CELF2: variants seen among roughly 807,000 people sequenced by gnomAD.
CELF2 encodes the protein CUG triplet repeat RNA-binding protein 2.
Under a neutral mutation model 62.6 loss-of-function variants are expected in CELF2, and 8 were observed. The observed-to-expected ratio is 0.13, with a 90% CI of 0.07 to 0.23. CELF2 has a LOEUF of 0.23. CELF2 is among the 10% of genes least tolerant of loss of function. CELF2 has a pLI of 1.00. For missense variants in CELF2, 333 were observed against 671.0 expected, an observed-to-expected ratio of 0.50 and a Z score of 5.56; for synonymous variants, 258 against 250.0, an observed-to-expected ratio of 1.03 and a Z score of -0.30.
At chr10:10,671,096 A>T in the CELF2 span, among the ~76,000 whole-genome samples, 8 of 145,146 alleles carry the variant, frequency 5.5e-5, no homozygotes, top group East Asian at 1.8e-3. Flanking sequence ...AGCCTGGGAG[A>T]TTGAGGCTGA....
At chr10:11,172,768 G>T (rs1160664234) in intron 2 of CELF2, among the ~76,000 whole-genome samples, 1 of 152,184 alleles carries the variant, frequency 6.6e-6, no homozygotes. Context: ...ACTCCTGGCC[G>T]CTTTTAACCA....
chr10:10,689,485 CAAATT>C, the CELF2 span, among the ~76,000 whole-genome samples: 34,530 of 151,928 alleles, frequency 0.23, 4,100 homozygotes, highest in South Asian at 0.43. Context: ...TGCAGTATAT[CAAATT>C]AAAAAGCACA....
intron 2 of CELF2, among the ~76,000 whole-genome samples, chr10:11,204,253 A>G (rs2059913990): frequency 6.6e-6 from 1 of 152,190 alleles, no homozygotes; most frequent in African/African-American, 2.4e-5. Context: ...CACTGTGTAT[A>G]CATTATTTTA....
the CELF2 span, among the ~76,000 whole-genome samples, chr10:10,474,553 AACTT>A: frequency 6.6e-5 from 10 of 152,054 alleles, no homozygotes; most frequent in African/African-American, 2.4e-4. Flanking sequence ...TTTGCAATAA[AACTT>A]ATTTATGCAC....
At chr10:10,848,173 C>G (rs767630796) in intron 1 of CELF2, among the ~76,000 whole-genome samples, 1 of 152,150 alleles carries the variant, frequency 6.6e-6, no homozygotes, top group Non-Finnish European at 1.5e-5. Context: ...GCCTTTTAAA[C>G]AAGTACATTT....
intron 2 of CELF2, among the ~76,000 whole-genome samples, chr10:10,954,870 A>G (rs1196194254): frequency 1.3e-5 from 2 of 152,244 alleles, no homozygotes; most frequent in African/African-American, 4.8e-5. Flanking sequence ...GAATACATAA[A>G]TATGCTATAT....
Position 11,114,578 on chromosome 10 carries a change from C to A in CELF2, c.75-50908C>A, listed in dbSNP as rs140352186. Among the ~76,000 whole-genome samples the A allele has an allele frequency of 2.6e-3, 402 of 152,254 alleles. 1 individual carries two copies. The highest frequency in any genetic ancestry group is 9.1e-3 in the African/African-American group (380 of 41,548). On this transcript the variant is annotated intron_variant, in intron 1 of 12. Transcript: ENST00000633077. ...AAATTAAGACCCATGGTTGGAATAT[C>A]AATGCAGTCAAATATCTGTTCTTTG...
chr10:11,232,388 G>T (rs1355277805), intron 3 of CELF2, among the ~76,000 whole-genome samples: 1 of 152,208 alleles, frequency 6.6e-6, no homozygotes, highest in African/African-American at 2.4e-5. Flanking sequence ...TGACAACTTT[G>T]TCTCTGAGTC....
the CELF2 span, among the ~76,000 whole-genome samples, chr10:10,731,561 C>T: frequency 6.6e-6 from 1 of 152,118 alleles, no homozygotes; most frequent in African/African-American, 2.4e-5. Flanking sequence ...AATATGGAAA[C>T]TGGTATTTTT....
At chr10:10,641,183 C>T in the CELF2 span, among the ~76,000 whole-genome samples, 10 of 152,208 alleles carry the variant, frequency 6.6e-5, no homozygotes, top group South Asian at 2.1e-4. Context: ...AGGCAGCATA[C>T]GGTTGTGGGA....
upstream of CELF2, among the ~76,000 whole-genome samples, chr10:10,797,581 A>G (rs1252823469): frequency 6.6e-6 from 1 of 152,218 alleles, no homozygotes; most frequent in African/African-American, 2.4e-5. Context: ...GAGGAATTTA[A>G]TATAAAGAAA....
the CELF2 span, among the ~76,000 whole-genome samples, chr10:10,623,768 G>C: frequency 7.1e-4 from 108 of 152,298 alleles, no homozygotes; most frequent in Admixed American, 2.0e-4. Context: ...GCCATTTACT[G>C]TTCTAAGTGC....
At chr10:10,658,867 C>G in the CELF2 span, among the ~76,000 whole-genome samples, 15 of 152,174 alleles carry the variant, frequency 9.9e-5, no homozygotes, top group African/African-American at 3.4e-4. Flanking sequence ...CTGGATAACA[C>G]AGAGAGAATA....
chr10:10,599,506 C>T, the CELF2 span, among the ~76,000 whole-genome samples: 1 of 152,008 alleles, frequency 6.6e-6, no homozygotes, highest in Admixed American at 6.6e-5. Context: ...CAGTTGATAG[C>T]ATAAAATGTG....
At chr10:11,144,900 G>GAA (rs397846995) in intron 1 of CELF2, among the ~76,000 whole-genome samples, 7,903 of 73,872 alleles carry the variant, frequency 0.11, 515 homozygotes, top group African/African-American at 0.16. Flanking sequence ...TCAGGAAACA[G>GAA]AAAAAAAAAA....
the CELF2 span, among the ~76,000 whole-genome samples, chr10:10,661,504 C>A: frequency 6.6e-6 from 1 of 152,154 alleles, no homozygotes; most frequent in Non-Finnish European, 1.5e-5. Context: ...AGATATATGT[C>A]CAAGGCCTTT....
chr10:10,994,204 G>T (rs1047041660), intron 2 of CELF2, among the ~76,000 whole-genome samples: 1 of 152,174 alleles, frequency 6.6e-6, no homozygotes, highest in Non-Finnish European at 1.5e-5. Context: ...TTTTACATTT[G>T]CAGAGTGTCT....
At chr10:11,040,751 A>G (rs762928940) in intron 1 of CELF2, among the ~76,000 whole-genome samples, 2 of 152,112 alleles carry the variant, frequency 1.3e-5, no homozygotes, top group African/African-American at 2.4e-5. Context: ...TTCTCTTCCA[A>G]CTGATTTCAC....
the CELF2 span, among the ~76,000 whole-genome samples, chr10:10,533,171 T>A: frequency 6.6e-6 from 1 of 152,198 alleles, no homozygotes; most frequent in East Asian, 1.9e-4. Flanking sequence ...CATTTCAATG[T>A]GGAGAGTATG....
Sources: gnomAD v4.1 joint callset for allele counts (sites outside exome capture counted in the v4.1 genomes callset) on GRCh38, gnomAD v4.1.1 for gene constraint, MANE v1.5 for transcripts, NCBI Gene and HGNC (gene_info 2026-07-23, HGNC 2026-07-21) for gene names.